LSG1: variants seen among roughly 807,000 people sequenced by gnomAD.
The protein encoded by LSG1 is large subunit GTPase 1 homolog.
In LSG1, 55 loss-of-function variants were observed where a neutral mutation model predicts 82.6. The observed-to-expected ratio is 0.67, with a 90% CI of 0.54 to 0.83. The LOEUF is 0.83. LSG1 is among the 40% of genes least tolerant of loss of function. The pLI, the probability that LSG1 is intolerant of heterozygous loss-of-function variation, is 0.00. For synonymous variants in LSG1, 272 were observed against 282.5 expected (o/e 0.96, Z 0.37); for missense variants, 809 against 807.9 (o/e 1.00, Z -0.02).
At chr3:194,653,187 C>T (rs1718715836) in intron 7 of LSG1, 45 bp from the exon 8 acceptor site, 1 of 1,554,764 alleles carries the variant, frequency 6.4e-7, no homozygotes, top group Admixed American at 1.8e-5. Flanking sequence ...ACTGCAGTTT[C>T]CACTCTAGTA....
Position 194,644,892 on chromosome 3 carries a change from A to G in LSG1, c.1624-146T>C. On this transcript the variant is annotated intron_variant, in intron 12 of 13. Transcript: ENST00000265245. ...TTGAGTTTTGGTCTACTGCAGCTGA[A>G]GAGTCCTTTTTCTAATACATCAATG... The G allele has an allele frequency of 7.6e-6, 4 of 525,520 alleles. No homozygotes were observed. In the Admixed American group the frequency reaches 1.6e-4, roughly 21 times the overall value. The allele number at this position is 525,520 out of a possible 1,614,324, so 32.6% of individuals were successfully genotyped here. A position where few individuals can be genotyped will look rare whatever the true frequency, so the allele number is the denominator to read the frequency against.
Position 194,641,297 on chromosome 3 carries a change from AAAAG to A in LSG1, c.*767_*770del, listed in dbSNP as rs1239565785. On this transcript the variant is annotated 3_prime_UTR_variant, in exon 14 of 14. Coordinates refer to ENST00000265245, the MANE Select transcript of LSG1 (RefSeq NM_018385.3). ...AATTTTAGGACATTTTTATCACTGC[AAAAG>A]AAAGACCTCAATCTTCCCATTCCTC... The A allele has an allele frequency of 6.6e-6, 1 of 152,228 alleles. No individual in the cohort carries two copies. The allele number at this position is 152,228 out of a possible 1,614,324, so 9.4% of individuals were successfully genotyped here.
intron 2 of LSG1, among the ~76,000 whole-genome samples, chr3:194,668,429 A>G (rs191937496): frequency 6.6e-6 from 1 of 152,244 alleles, no homozygotes; most frequent in Non-Finnish European, 1.5e-5. Context: ...CTACATCCTC[A>G]CCAACATTTG....
At chr3:194,667,942 A>AAAAAAAAAAAAAATATATATAT (rs1416407494) in intron 2 of LSG1, among the ~76,000 whole-genome samples, 3 of 86,966 alleles carry the variant, frequency 3.4e-5, no homozygotes, top group East Asian at 4.2e-4. Flanking sequence ...AAAAAAAAAA[A>AAAAAAAAAAAAAATATATATAT]ATATATATAT....
At chr3:194,664,383 G>C (rs1235100930) in intron 5 of LSG1, among the ~76,000 whole-genome samples, 1 of 152,090 alleles carries the variant, frequency 6.6e-6, no homozygotes, top group Non-Finnish European at 1.5e-5. Context: ...CAGCCTGAAG[G>C]GTCCTTGTTG....
chr3:194,671,117 T>C (rs1719132072), intron 1 of LSG1, among the ~76,000 whole-genome samples: 2 of 152,174 alleles, frequency 1.3e-5, no homozygotes, highest in South Asian at 4.1e-4. Context: ...AACTGAATGA[T>C]GAATGAATTT....
At chr3:194,658,776 C>T (rs1166497562) in intron 7 of LSG1, among the ~76,000 whole-genome samples, 181 bp downstream of exon 7, 1 of 152,222 alleles carries the variant, frequency 6.6e-6, no homozygotes, top group Admixed American at 6.5e-5. Flanking sequence ...GACTGTCCAA[C>T]AACCACAGAG....
At chr3:194,664,842 C>T (rs992353142) in intron 5 of LSG1, among the ~76,000 whole-genome samples, 1 of 152,234 alleles carries the variant, frequency 6.6e-6, no homozygotes, top group African/African-American at 2.4e-5. Context: ...ACTGCTTGAA[C>T]CCAGGAGGCG....
intron 7 of LSG1, among the ~76,000 whole-genome samples, chr3:194,653,469 G>A (rs1191293814): frequency 6.6e-6 from 1 of 151,760 alleles, no homozygotes; most frequent in Non-Finnish European, 1.5e-5. Context: ...GAGCCGAGAT[G>A]GTGCCACTGC....
intron 5 of LSG1, 31 bp from the exon 6 acceptor site, chr3:194,660,164 C>G (rs369691113): frequency 7.6e-6 from 12 of 1,588,112 alleles, no homozygotes; most frequent in Non-Finnish European, 1.0e-5. Flanking sequence ...AGACCAATCA[C>G]CGTGAAGTGA....
rs778231728 is a variant in LSG1 at position 194,642,106 on chromosome 3, CTTTTTTA to C, written c.1932_1938del (p.Asn644LysfsTer44). On this transcript the variant is annotated frameshift_variant, in exon 14 of 14. Transcript: ENST00000265245. LOFTEE classifies it high-confidence loss of function. ...TGCTTGTAGAGTCTACGACTTTTTT[CTTTTTTA>C]TTTCTGTTGCCATGTTTTTTCCAGG... 1.4e-5 allele frequency: 22 copies of C among 1,613,062 alleles called. No individual in the cohort carries two copies. The highest frequency in any genetic ancestry group is 5.1e-6 in the Non-Finnish European group (6 of 1,179,986).
intron 2 of LSG1, 67 bp downstream of exon 2, chr3:194,669,941 AC>A: frequency 6.4e-7 from 1 of 1,557,104 alleles, no homozygotes; most frequent in South Asian, 1.2e-5. Context: ...AAAACAAAAA[AC>A]AAAAAAAACC....
In LSG1 at chr3:194,650,968, T is replaced by A. The variant is rs370132595; in HGVS notation, c.1332A>T (p.Pro444=). ...TTTCTGCCTTGGTAGACACAAAAGA[T>A]GGCATCACCAAGCCAGGACAGTCAC... is the stretch of plus-strand genomic sequence containing the variant. The part of the protein sequence containing the change: ...CLCDCPGLVM[P]SFVSTKAEMT... The change falls in exon 10 of 14, where the codon CCA becomes CCT. Residue 444 remains proline (P), a synonymous_variant. Coordinates refer to ENST00000265245, the MANE Select transcript of LSG1 (RefSeq NM_018385.3). The A allele has an allele frequency of 6.8e-6, 11 of 1,614,002 alleles. No individual in the cohort carries two copies. Among genetic ancestry groups the A allele is most frequent in the Non-Finnish European group, 9.3e-6 (11 of 1,180,042 alleles).
chr3:194,672,174 C>G lies in LSG1; in HGVS notation c.-12G>C. 6.3e-7 allele frequency: 1 copy of G among 1,587,326 alleles called. No individual in the cohort carries two copies. On this transcript the variant is annotated 5_prime_UTR_variant, in exon 1 of 14. Transcript: ENST00000265245. ...CTCCTCCGGCCCATGGCAACACGAC[C>G]GCTGGACGAAGCTTCCCGGCTCGGC...
At chr3:194,645,541 C>CACACAGACAG (rs1718517038) in intron 12 of LSG1, 10 of 40,776 alleles carry the variant, frequency 2.5e-4, no homozygotes, top group Non-Finnish European at 3.5e-4. Flanking sequence ...GACAGACACA[C>CACACAGACAG]ACACACACAC....
At chr3:194,659,805 A>G (rs1309862585) in intron 6 of LSG1, among the ~76,000 whole-genome samples, 1 of 152,248 alleles carries the variant, frequency 6.6e-6, no homozygotes, top group East Asian at 1.9e-4. Context: ...ACAAATGGGA[A>G]ACCGGCAAAT....
rs778558484 is a variant in LSG1 at position 194,660,881 on chromosome 3, C to T, written c.522-748G>A. 5.0e-5 allele frequency: 23 copies of T among 456,478 alleles called. 1 individual carries two copies. Among genetic ancestry groups the T allele is most frequent in the South Asian group, 3.4e-4 (22 of 64,556 alleles). The allele number at this position is 456,478 out of a possible 1,614,324, so 28.3% of individuals were successfully genotyped here. A position where few individuals can be genotyped will look rare whatever the true frequency, so the allele number is the denominator to read the frequency against. ...CAAATATAGTGGGGACTACAGGTGT[C>T]CAGCACTGCAAGGAGAAAAAAAAAT... is the stretch of plus-strand genomic sequence containing the variant. On this transcript the variant is annotated intron_variant, in intron 5 of 13. Transcript: ENST00000265245.
intron 2 of LSG1, among the ~76,000 whole-genome samples, chr3:194,668,364 T>C (rs1267269629): frequency 6.6e-6 from 1 of 152,216 alleles, no homozygotes; most frequent in African/African-American, 2.4e-5. Context: ...AATTTTTTTA[T>C]AAAACAGCTA....
At chr3:194,655,325 G>C (rs1027420451) in intron 7 of LSG1, among the ~76,000 whole-genome samples, 1 of 152,112 alleles carries the variant, frequency 6.6e-6, no homozygotes, top group Non-Finnish European at 1.5e-5. Context: ...AATCAAGAAG[G>C]CCACAGATGC....
Sources: allele counts gnomAD v4.1 joint callset (sites outside exome capture counted in the v4.1 genomes callset), GRCh38; gene constraint gnomAD v4.1.1; transcripts MANE v1.5; gene names NCBI Gene and HGNC (gene_info 2026-07-23, HGNC 2026-07-21).